MAN1A1: variants seen among roughly 807,000 people sequenced by gnomAD.
The protein encoded by MAN1A1 is mannosyl-oligosaccharide 1,2-alpha-mannosidase IA.
A neutral mutation model predicts 70.8 loss-of-function variants in MAN1A1; 29 were observed. The ratio of observed to expected loss-of-function variants is 0.41; its 90% CI spans 0.31 to 0.56. MAN1A1 has a LOEUF of 0.56. Ranked by LOEUF, MAN1A1 falls within the 20% of genes least tolerant of loss-of-function variation. MAN1A1 has a pLI of 0.29. For missense variants in MAN1A1, 747 were observed against 841.3 expected (o/e 0.89, Z 1.39); for synonymous variants, 349 against 330.1 (o/e 1.06, Z -0.62).
At chr6:119,242,682 C>A (rs1775045234) in intron 6 of MAN1A1, among the ~76,000 whole-genome samples, 1 of 152,102 alleles carries the variant, frequency 6.6e-6, no homozygotes, top group Non-Finnish European at 1.5e-5. Context: ...CAAGGTTTAA[C>A]CTTCTGCACA....
chr6:119,190,718 A>C (rs1490846203), intron 9 of MAN1A1, among the ~76,000 whole-genome samples: 1 of 152,234 alleles, frequency 6.6e-6, no homozygotes, highest in African/African-American at 2.4e-5. Context: ...GAGAAATGAT[A>C]ATGTTTACAA....
chr6:119,319,935 T>C (rs1266125006), intron 2 of MAN1A1, among the ~76,000 whole-genome samples: 1 of 152,122 alleles, frequency 6.6e-6, no homozygotes, highest in East Asian at 1.9e-4. Flanking sequence ...GTTGTTCTGC[T>C]GTCATAAATG....
chr6:119,349,885 G>C (rs1408553675), upstream of MAN1A1: 6 of 393,360 alleles, frequency 1.5e-5, no homozygotes, highest in East Asian at 6.5e-4. Context: ...AGGCGAGGAG[G>C]GGGATGCGCG....
chr6:119,248,388 T>C lies in MAN1A1; in HGVS notation c.898-34A>G, dbSNP rs1457244856. 3.4e-6 allele frequency: 4 copies of C among 1,160,090 alleles called. No homozygotes were observed. In the African/African-American group the frequency reaches 4.5e-5, roughly 13 times the overall value. 71.9% of individuals were successfully genotyped at this position (1,160,090 alleles called of 1,614,324 possible). On this transcript the variant is annotated intron_variant, in intron 5 of 12. Coordinates refer to ENST00000368468, the MANE Select transcript of MAN1A1 (RefSeq NM_005907.4). ...TCAAACAGTTAACTGTAAGCTACTG[T>C]TGCAAGCAAAACAAGATGAACTATA...
chr6:119,301,552 G>A (rs1177295623), intron 4 of MAN1A1, among the ~76,000 whole-genome samples: 6 of 152,132 alleles, frequency 3.9e-5, no homozygotes, highest in Non-Finnish European at 7.3e-5. Flanking sequence ...TGCTACTGCT[G>A]GATACACCAT....
chr6:119,197,586 G>A (rs1477735364), intron 8 of MAN1A1, among the ~76,000 whole-genome samples: 2 of 152,162 alleles, frequency 1.3e-5, no homozygotes, highest in Admixed American at 1.3e-4. Flanking sequence ...AATCCCAACC[G>A]GAGCACTGAA....
chr6:119,322,117 C>T (rs927331187), intron 2 of MAN1A1, among the ~76,000 whole-genome samples: 3 of 152,180 alleles, frequency 2.0e-5, no homozygotes, highest in Non-Finnish European at 4.4e-5. Context: ...AGACCAAATG[C>T]CATTCCCATG....
chr6:119,315,786 G>C (rs1429378985), intron 2 of MAN1A1, among the ~76,000 whole-genome samples: 1 of 152,168 alleles, frequency 6.6e-6, no homozygotes, highest in Non-Finnish European at 1.5e-5. Flanking sequence ...ACATAGAACA[G>C]TTTGGCATCA....
chr6:119,263,955 T>A (rs1034125248), intron 5 of MAN1A1, among the ~76,000 whole-genome samples: 1 of 152,222 alleles, frequency 6.6e-6, no homozygotes, highest in African/African-American at 2.4e-5. Flanking sequence ...ATAGAAGAAA[T>A]GTTTCCTTCA....
intron 2 of MAN1A1, among the ~76,000 whole-genome samples, chr6:119,347,279 C>T (rs1273282669): frequency 6.6e-6 from 1 of 152,202 alleles, no homozygotes; most frequent in Non-Finnish European, 1.5e-5. Flanking sequence ...AAGCTAAACA[C>T]CTCTCAACCA....
chr6:119,189,769 T>A lies in MAN1A1; in HGVS notation c.1441A>T (p.Met481Leu). 1 of 1,614,122 alleles carries A rather than the reference T, an allele frequency of 6.2e-7. No individual in the cohort carries two copies. Among genetic ancestry groups the A allele is most frequent in the Non-Finnish European group, 8.5e-7 (1 of 1,180,002 alleles). ...GCTGCATCAGCCCCGAGTGCGAACA[T>A]GCCCCCCGCGAAGCAGGTCAGGTGG... ...MGHLTCFAGGMFALGADAAPE... is the reference protein window; with the variant it reads ...MGHLTCFAGGLFALGADAAPE... Residue 481 changes from methionine to leucine, a missense_variant, in exon 10 of 13, where the codon ATG (methionine) becomes TTG (leucine). This residue lies in a region of MAN1A1 where 419 missense variants were observed against 548.2 expected (regional missense o/e 0.76). Transcript: ENST00000368468.
intron 5 of MAN1A1, among the ~76,000 whole-genome samples, chr6:119,281,889 C>G (rs1043924226): frequency 7.0e-6 from 1 of 143,050 alleles, no homozygotes; most frequent in African/African-American, 2.6e-5. Context: ...AACCCCATCT[C>G]TACTAAAAAT....
intron 5 of MAN1A1, among the ~76,000 whole-genome samples, chr6:119,285,306 G>A (rs1776338117): frequency 6.6e-6 from 1 of 151,938 alleles, no homozygotes; most frequent in Non-Finnish European, 1.5e-5. Flanking sequence ...AGACCTTGCT[G>A]TAACTAATAG....
chr6:119,194,456 T>G (rs1472721632), intron 8 of MAN1A1, among the ~76,000 whole-genome samples: 1 of 152,108 alleles, frequency 6.6e-6, no homozygotes, highest in Non-Finnish European at 1.5e-5. Flanking sequence ...CCCAAGTGGC[T>G]GGGACTACAG....
chr6:119,346,986 T>C (rs576411924), intron 2 of MAN1A1, among the ~76,000 whole-genome samples: 1 of 152,354 alleles, frequency 6.6e-6, no homozygotes, highest in Non-Finnish European at 1.5e-5. Flanking sequence ...CAGGATTTCA[T>C]GGAGAAAGGA....
chr6:119,204,981 A>G, intron 6 of MAN1A1, 99 bp from the exon 7 acceptor site: 1 of 1,225,936 alleles, frequency 8.2e-7, no homozygotes, highest in Non-Finnish European at 1.1e-6. Context: ...AAAAAAAGGC[A>G]TCCTAGCTAA....
At chr6:119,285,274 G>T (rs529067056) in intron 5 of MAN1A1, among the ~76,000 whole-genome samples, 1 of 151,766 alleles carries the variant, frequency 6.6e-6, no homozygotes, top group Non-Finnish European at 1.5e-5. Flanking sequence ...CACCATGTCC[G>T]GCCAGATTCT....
intron 3 of MAN1A1, among the ~76,000 whole-genome samples, chr6:119,305,536 C>A (rs138669918): frequency 6.6e-6 from 1 of 152,098 alleles, no homozygotes; most frequent in Non-Finnish European, 1.5e-5. Context: ...CTTCTACTGC[C>A]TCTACTTCAG....
chr6:119,243,967 A>C (rs983372398), intron 6 of MAN1A1, among the ~76,000 whole-genome samples: 1 of 152,080 alleles, frequency 6.6e-6, no homozygotes, highest in Non-Finnish European at 1.5e-5. Flanking sequence ...CCATACAGAG[A>C]AGTGATAAAA....
Sources: gnomAD v4.1 joint callset for allele counts (sites outside exome capture counted in the v4.1 genomes callset) on GRCh38, gnomAD v4.1.1 for gene constraint, gnomAD v4.1.1 regional missense constraint, MANE v1.5 for transcripts, NCBI Gene and HGNC (gene_info 2026-07-23, HGNC 2026-07-21) for gene names.